GTF2H5: variants seen among roughly 807,000 people sequenced by gnomAD.
The protein encoded by GTF2H5 is general transcription factor IIH subunit 5.
A neutral mutation model predicts 7.1 loss-of-function variants in GTF2H5; 5 were observed. The ratio of observed to expected loss-of-function variants is 0.71; its 90% CI spans 0.37 to 1.49. GTF2H5 has a LOEUF of 1.49. Ranked by LOEUF, GTF2H5 falls within the 40% of genes most tolerant of loss-of-function variation. The probability of loss-of-function intolerance (pLI) is 0.03; values close to 1 mark genes in which losing one functional copy is unlikely to be tolerated. For synonymous variants in GTF2H5, 30 were observed against 31.7 expected (o/e 0.95, Z 0.18); for missense variants, 80 against 83.0 (o/e 0.96, Z 0.14).
At chr6:158,175,535 G>T (rs756569469) in intron 2 of GTF2H5, among the ~76,000 whole-genome samples, 2 of 152,176 alleles carry the variant, frequency 1.3e-5, no homozygotes, top group African/African-American at 2.4e-5. Flanking sequence ...AGGCTGAGGC[G>T]GGTGGATGGC....
intron 2 of GTF2H5, among the ~76,000 whole-genome samples, chr6:158,182,226 G>A (rs545525122): frequency 1.3e-5 from 2 of 152,338 alleles, no homozygotes; most frequent in South Asian, 2.1e-4. Context: ...GGCTTGTAGG[G>A]TTTATGCGGA....
rs531917233 is a variant in GTF2H5, at chr6:158,173,137, CA to C, written c.35+2601del. Among the ~76,000 whole-genome samples, 11 of 152,284 alleles carry C rather than the reference CA, an allele frequency of 7.2e-5. No homozygotes were observed. In the East Asian group the frequency reaches 2.1e-3, roughly 29 times the overall value. ...TAAGATGCATTTAAATTTTGAGAAGCAATAATACTGTTAATCAGCTTCAGTT... is the reference window on the plus strand; with the variant it reads ...TAAGATGCATTTAAATTTTGAGAAGCATAATACTGTTAATCAGCTTCAGTT... On this transcript the variant is annotated intron_variant, in intron 2 of 2. Coordinates refer to ENST00000607778, the MANE Select transcript of GTF2H5 (RefSeq NM_207118.3).
At chr6:158,169,787 A>ATATATAATATATTGTATATTG (rs1562469576) in intron 1 of GTF2H5, among the ~76,000 whole-genome samples, 1 of 105,924 alleles carries the variant, frequency 9.4e-6, no homozygotes, top group Non-Finnish European at 1.7e-5. Context: ...ATTGTATATT[A>ATATATAATATATTGTATATTG]TATATTATAT....
At chr6:158,172,396 G>A (rs951716517) in intron 2 of GTF2H5, among the ~76,000 whole-genome samples, 5 of 151,512 alleles carry the variant, frequency 3.3e-5, no homozygotes, top group African/African-American at 1.2e-4. Flanking sequence ...CTGGATTCAA[G>A]CGATACTGCT....
chr6:158,169,749 A>G lies in GTF2H5; in HGVS notation c.-34-721A>G, dbSNP rs866425071. Among the ~76,000 whole-genome samples, 16 of 86,152 alleles carry G rather than the reference A, an allele frequency of 1.9e-4. 1 individual carries two copies. The highest frequency in any genetic ancestry group is 9.4e-4 in the East Asian group (4 of 4,254). The allele number at this position is 86,152 out of a possible 152,430, so 56.5% of individuals were successfully genotyped here. On this transcript the variant is annotated intron_variant, in intron 1 of 2. Coordinates refer to ENST00000607778, the MANE Select transcript of GTF2H5 (RefSeq NM_207118.3). ...TAATATATTGTATATTATATATTAT[A>G]TAATATATTGTATATTATATATAAT... is the stretch of plus-strand genomic sequence containing the variant.
At chr6:158,177,340 T>A (rs1785947366) in intron 2 of GTF2H5, among the ~76,000 whole-genome samples, 1 of 152,198 alleles carries the variant, frequency 6.6e-6, no homozygotes, top group African/African-American at 2.4e-5. Flanking sequence ...GCTCCCTATG[T>A]AATAAAAATT....
intron 1 of GTF2H5, 38 bp downstream of exon 1, chr6:158,168,433 G>T (rs929735478): frequency 2.6e-5 from 4 of 152,474 alleles, no homozygotes; most frequent in Non-Finnish European, 2.9e-5. Flanking sequence ...GGAAAGTGGG[G>T]TGTGGGAACA....
At chr6:158,185,314 A>AG (rs1304638628) in intron 2 of GTF2H5, among the ~76,000 whole-genome samples, 1 of 152,066 alleles carries the variant, frequency 6.6e-6, no homozygotes, top group Non-Finnish European at 1.5e-5. Context: ...CCGAGGCTGG[A>AG]GGATCGCCCA....
intron 2 of GTF2H5, among the ~76,000 whole-genome samples, chr6:158,189,906 A>T (rs375366781): frequency 5.9e-5 from 9 of 152,152 alleles, no homozygotes; most frequent in Non-Finnish European, 2.9e-5. Context: ...GCTATACCCT[A>T]TAAGCCTTTG....
Position 158,170,483 on chromosome 6 carries a change from ATCTGAACC to A in GTF2H5, c.-19_-12del, listed in dbSNP as rs758963032. On this transcript the variant is annotated 5_prime_UTR_variant, in exon 2 of 3. Transcript: ENST00000607778. ...TCTTTTTATTAGCATTCTTCAGGTC[ATCTGAACC>A]TTCTGAGAAAACATGGTCAACGTCT... 1 of 1,599,644 alleles carries A rather than the reference ATCTGAACC, an allele frequency of 6.3e-7. No individual in the cohort carries two copies. The highest frequency in any genetic ancestry group is 1.1e-5 in the South Asian group (1 of 90,806).
chr6:158,170,420 T>C (rs1785838898), intron 1 of GTF2H5, 50 bp from the exon 2 acceptor site: 1 of 1,097,382 alleles, frequency 9.1e-7, no homozygotes, highest in East Asian at 2.4e-5. Flanking sequence ...CCCCAAAGTA[T>C]ATGAAAGTTA....
At chr6:158,175,838 A>G (rs1219552226) in intron 2 of GTF2H5, among the ~76,000 whole-genome samples, 5 of 152,178 alleles carry the variant, frequency 3.3e-5, no homozygotes, top group African/African-American at 1.2e-4. Flanking sequence ...TAGAAAAAGA[A>G]ATTTGTTGAT....
chr6:158,181,309 A>T (rs1786007403), intron 2 of GTF2H5, among the ~76,000 whole-genome samples: 1 of 152,156 alleles, frequency 6.6e-6, no homozygotes, highest in African/African-American at 2.4e-5. Flanking sequence ...TCAATTTTAG[A>T]ATAAGTGTGA....
intron 2 of GTF2H5, among the ~76,000 whole-genome samples, chr6:158,182,729 G>A (rs141982326): frequency 0.016 from 2,485 of 151,928 alleles, 79 homozygotes; most frequent in African/African-American, 0.057. Context: ...GCACCATCAG[G>A]TCATTTAAGC....
chr6:158,191,833 T>C, intron 2 of GTF2H5, 144 bp from the exon 3 acceptor site: 1 of 699,418 alleles, frequency 1.4e-6, no homozygotes, highest in East Asian at 2.7e-5. Context: ...TTGTTAACAC[T>C]TGAGGCAGAG....
At position 158,192,431 on chromosome 6, in the gene GTF2H5, T is replaced by G; in HGVS notation, c.*274T>G. The G allele has an allele frequency of 2.5e-6, 1 of 405,082 alleles. No individual in the cohort carries two copies. The highest frequency in any genetic ancestry group is 2.3e-5 in the South Asian group (1 of 42,644). 25.1% of individuals were successfully genotyped at this position (405,082 alleles called of 1,614,324 possible). A position where few individuals can be genotyped will look rare whatever the true frequency, so the allele number is the denominator to read the frequency against. On this transcript the variant is annotated 3_prime_UTR_variant, in exon 3 of 3. Transcript: ENST00000607778. ...AAATGTCAATGCTTTTCCTGCCTTT[T>G]TAATACCATGTCAGTGTAACATAGG...
Position 158,192,905 on chromosome 6 carries a change from C to CAAAAAAAAAA in GTF2H5, c.*765_*774dup, listed in dbSNP as rs10625768. The stretch of plus-strand genomic sequence containing the variant: ...CCTGGACAACAGAGAGACCCTGCCT[C>CAAAAAAAAAA]AAAAAAAAAAAAAAAAAAAAAAAAA... On this transcript the variant is annotated 3_prime_UTR_variant, in exon 3 of 3. Coordinates refer to ENST00000607778, the MANE Select transcript of GTF2H5 (RefSeq NM_207118.3). 1 of 49,304 alleles carries CAAAAAAAAAA rather than the reference C, an allele frequency of 2.0e-5. No homozygotes were observed. The highest frequency in any genetic ancestry group is 7.9e-5 in the African/African-American group (1 of 12,610). The allele number at this position is 49,304 out of a possible 1,614,324, so 3.1% of individuals were successfully genotyped here.
At chr6:158,180,695 TG>T (rs1344436046) in intron 2 of GTF2H5, among the ~76,000 whole-genome samples, 1 of 152,214 alleles carries the variant, frequency 6.6e-6, no homozygotes, top group Non-Finnish European at 1.5e-5. Flanking sequence ...TTTATATTTC[TG>T]TGGGATCGGG....
At chr6:158,188,700 G>T (rs1468020839) in intron 2 of GTF2H5, among the ~76,000 whole-genome samples, 2 of 151,800 alleles carry the variant, frequency 1.3e-5, no homozygotes, top group African/African-American at 4.8e-5. Context: ...ACATTTTTTT[G>T]TATCTGCTTA....
Sources: allele counts gnomAD v4.1 joint callset (sites outside exome capture counted in the v4.1 genomes callset), GRCh38; gene constraint gnomAD v4.1.1; transcripts MANE v1.5; gene names NCBI Gene and HGNC (gene_info 2026-07-23, HGNC 2026-07-21).